Variants in CCDC187 observed in about 807,000 individuals in gnomAD.
The protein encoded by CCDC187 is coiled-coil domain-containing protein 187.
Under a neutral mutation model 38.0 loss-of-function variants are expected in CCDC187, and 32 were observed. That is an observed-to-expected ratio of 0.84 (90% CI 0.64 to 1.13). The LOEUF is 1.13. Ranked by LOEUF, CCDC187 falls within the 50% of genes most tolerant of loss-of-function variation. The probability of loss-of-function intolerance (pLI) is 0.00; values close to 1 mark genes in which losing one functional copy is unlikely to be tolerated. For missense variants in CCDC187, 707 were observed against 786.8 expected (o/e 0.90, Z 1.21); for synonymous variants, 333 against 347.9 (o/e 0.96, Z 0.48).
At chr9:136,255,757 C>G in intron 24 of CCDC187, 24 bp from the exon 25 acceptor site, 3 of 981,338 alleles carry the variant, frequency 3.1e-6, no homozygotes, top group Non-Finnish European at 3.6e-6. Context: ...CGTGGAGAAC[C>G]CTGTGGGGAT....
At chr9:136,302,214 T>G (rs1009794363) in intron 2 of CCDC187, among the ~76,000 whole-genome samples, 2 of 152,016 alleles carry the variant, frequency 1.3e-5, no homozygotes, top group African/African-American at 4.8e-5. Context: ...AATGTAAAAT[T>G]AAAGGAGGAA....
intron 19 of CCDC187, among the ~76,000 whole-genome samples, chr9:136,262,103 C>T (rs1395943411): frequency 6.6e-6 from 1 of 152,258 alleles, no homozygotes; most frequent in Non-Finnish European, 1.5e-5. Flanking sequence ...AGCCAACGGC[C>T]ATACGGCCAA....
chr9:136,265,652 G>T (rs1338823788), intron 17 of CCDC187: 1 of 152,302 alleles, frequency 6.6e-6, no homozygotes, highest in Non-Finnish European at 1.5e-5. Flanking sequence ...GTGACATCCA[G>T]CAAAAGGCTG....
At chr9:136,300,982 C>T (rs1273223661) in intron 2 of CCDC187, among the ~76,000 whole-genome samples, 2 of 152,240 alleles carry the variant, frequency 1.3e-5, no homozygotes, top group Admixed American at 6.5e-5. Flanking sequence ...GCTGCACCAG[C>T]GCTTGGCACG....
chr9:136,285,379 C>T (rs1478288414), intron 9 of CCDC187, 134 bp downstream of exon 9: 8 of 403,062 alleles, frequency 2.0e-5, no homozygotes, highest in South Asian at 1.0e-4. Context: ...ACCAGCATGA[C>T]GGGGACACAT....
intron 10 of CCDC187, among the ~76,000 whole-genome samples, chr9:136,279,491 T>C (rs1830998323): frequency 6.6e-6 from 1 of 152,224 alleles, no homozygotes; most frequent in Admixed American, 6.5e-5. Context: ...GGCTGCCCCT[T>C]CCAAGGAGGA....
In CCDC187 at chr9:136,255,146, G is replaced by T. The variant is rs1260448031; in HGVS notation, c.4694-12C>A. 9.1e-6 allele frequency: 9 copies of T among 984,462 alleles called. No homozygotes were observed. Among genetic ancestry groups the T allele is most frequent in the Non-Finnish European group, 1.1e-5 (9 of 829,204 alleles). 61.0% of individuals were successfully genotyped at this position (984,462 alleles called of 1,614,324 possible). A position where few individuals can be genotyped will look rare whatever the true frequency, so the allele number is the denominator to read the frequency against. On this transcript the variant is annotated splice_polypyrimidine_tract_variant and intron_variant, in intron 25 of 25. Transcript: ENST00000638797. ...GACCACAGGAGCTGCTAAGAGAGGGGGCAATCAACAGTGGTCACCCTCTGC... is the reference window on the plus strand; with the variant it reads ...GACCACAGGAGCTGCTAAGAGAGGGTGCAATCAACAGTGGTCACCCTCTGC...
intron 16 of CCDC187, 58 bp from the exon 17 acceptor site, chr9:136,266,101 A>G: frequency 1.1e-6 from 1 of 940,526 alleles, no homozygotes; most frequent in Non-Finnish European, 1.3e-6. Context: ...GTGGATATAG[A>G]AAGTCACAGA....
At chr9:136,261,470 A>C (rs1830677963) in intron 19 of CCDC187, among the ~76,000 whole-genome samples, 1 of 147,748 alleles carries the variant, frequency 6.8e-6, no homozygotes, top group Non-Finnish European at 1.5e-5. Flanking sequence ...GTCTGCAACC[A>C]TACATGTACC....
At chr9:136,267,268 C>G (rs1319648028) in intron 16 of CCDC187, 116 bp downstream of exon 16, 1 of 674,012 alleles carries the variant, frequency 1.5e-6, no homozygotes, top group Admixed American at 9.7e-5. Context: ...AAAACGCTGT[C>G]GGGGCCACGG....
Position 136,253,696 on chromosome 9 carries a change from C to T in CCDC187, c.6132G>A (p.Glu2044=), listed in dbSNP as rs1830576923. The T allele has an allele frequency of 4.1e-6, 4 of 985,450 alleles. No homozygotes were observed. The highest frequency in any genetic ancestry group is 1.2e-4 in the Admixed American group (2 of 16,272). 61.0% of individuals were successfully genotyped at this position (985,450 alleles called of 1,614,324 possible). A position where few individuals can be genotyped will look rare whatever the true frequency, so the allele number is the denominator to read the frequency against. ...CCTGGGTGGTGATGGCGGTGTCCTC[C>T]TCAAGGGGCCCCGAGGGCGGGGAAG... ...AFPSPPSGPL[E]EDTAITTQDL... Residue 2044 remains glutamate (E), a synonymous_variant, in exon 26 of 26, where the codon GAG becomes GAA. Coordinates refer to ENST00000638797, the MANE Select transcript of CCDC187 (RefSeq NM_001378188.1).
At position 136,258,039 on chromosome 9, in the gene CCDC187, G is replaced by T. The variant is rs1434927179; in HGVS notation, c.4366+893C>A. 6.6e-6 allele frequency among the ~76,000 whole-genome samples: 1 copy of T among 152,178 alleles called. No homozygotes were observed. Among genetic ancestry groups the T allele is most frequent in the African/African-American group, 2.4e-5 (1 of 41,448 alleles). On this transcript the variant is annotated intron_variant, in intron 22 of 25. Coordinates refer to ENST00000638797, the MANE Select transcript of CCDC187 (RefSeq NM_001378188.1). The surrounding 1 kb of genome is among the most constrained non-coding windows in gnomAD (Gnocchi z 4.3). ...GCTGGCCCCCCGAACGGTGACAGCT[G>T]GTACACGTGGCCATGCGGCGAGGGA...
At chr9:136,262,489 G>A in intron 18 of CCDC187, 27 bp from the exon 19 acceptor site, 1 of 986,128 alleles carries the variant, frequency 1.0e-6, no homozygotes. Context: ...AGGAGAGCCT[G>A]GCAAGGCCAC....
Position 136,254,903 on chromosome 9 carries a change from A to G in CCDC187, c.4925T>C (p.Leu1642Pro), listed in dbSNP as rs2131103096. Reference sequence around the variant, plus strand: ...GGGAAGAGAGCTGGAGCTCCCAGAAAGCTGGATCAGGGTAGCCGCTGCTTT... The same window carrying G: ...GGGAAGAGAGCTGGAGCTCCCAGAAGGCTGGATCAGGGTAGCCGCTGCTTT... ...FQKAAATLIQ[L>P]SGSSSSLPSL... The change falls in exon 26 of 26, where the codon CTT becomes CCT. Residue 1642 changes from leucine to proline, a missense_variant. Physicochemically the swap from Leu to Pro is moderately conservative, Grantham distance 98 (BLOSUM62 -3). Coordinates refer to ENST00000638797, the MANE Select transcript of CCDC187 (RefSeq NM_001378188.1). The G allele has an allele frequency of 1.0e-6, 1 of 985,502 alleles. No individual in the cohort carries two copies. Among genetic ancestry groups the G allele is most frequent in the African/African-American group, 1.7e-5 (1 of 57,366 alleles). The allele number at this position is 985,502 out of a possible 1,614,324, so 61.0% of individuals were successfully genotyped here.
rs573321767 is a variant in CCDC187, at chr9:136,253,946, G to A, written c.5882C>T (p.Pro1961Leu). Residue 1961 changes from proline to leucine, a missense_variant, in exon 26 of 26, where the codon CCT (proline) becomes CTT (leucine). Transcript: ENST00000638797. ...GGGGGCCCCATTCCCACCAGGCCCA[G>A]GCGCCCGGCTCTCAGCTACTGGAGG... ...LAPPVAESRA[P>L]GPGGNGAPTV... is the part of the protein sequence containing the mutation. 13 of 985,578 alleles carry A rather than the reference G, an allele frequency of 1.3e-5. No individual in the cohort carries two copies. In the Admixed American group the frequency reaches 2.5e-4, roughly 19 times the overall value. The allele number at this position is 985,578 out of a possible 1,614,324, so 61.1% of individuals were successfully genotyped here.
Position 136,291,474 on chromosome 9 carries a change from T to A in CCDC187, c.1139A>T (p.Gln380Leu), listed in dbSNP as rs987985804. Reference sequence around the variant, plus strand: ...CAGCTCCAGCCCAGCCTGGATTTGCTGGCGCAGGTCTTGTAGGATGGCCAT... The same window carrying A: ...CAGCTCCAGCCCAGCCTGGATTTGCAGGCGCAGGTCTTGTAGGATGGCCAT... Reference protein sequence around the residue: ...TAMAILQDLRQQIQAGLELAQ... With the variant: ...TAMAILQDLRLQIQAGLELAQ... Residue 380 changes from glutamine to leucine, a missense_variant, in exon 6 of 26, where the codon CAG becomes CTG. Transcript: ENST00000638797. The A allele has an allele frequency of 1.7e-4, 66 of 398,578 alleles. No homozygotes were observed. The highest frequency in any genetic ancestry group is 1.7e-4 in the Non-Finnish European group (39 of 226,124). 24.7% of individuals were successfully genotyped at this position (398,578 alleles called of 1,614,324 possible). A position where few individuals can be genotyped will look rare whatever the true frequency, so the allele number is the denominator to read the frequency against.
intron 10 of CCDC187, 49 bp downstream of exon 10, chr9:136,281,502 C>T (rs1004495707): frequency 7.6e-6 from 3 of 397,080 alleles, no homozygotes; most frequent in Non-Finnish European, 1.3e-5. Context: ...GTGGATGCCC[C>T]GGCCACCCGA....
upstream of CCDC187, among the ~76,000 whole-genome samples, chr9:136,305,061 C>A (rs1311174363): frequency 5.3e-5 from 8 of 152,230 alleles, no homozygotes; most frequent in African/African-American, 1.9e-4. Context: ...TGGCTGCCGG[C>A]AGGCACAGCC....
At chr9:136,268,256 C>T in intron 14 of CCDC187, 131 bp from the exon 15 acceptor site, 1 of 369,372 alleles carries the variant, frequency 2.7e-6, no homozygotes, top group Non-Finnish European at 3.7e-6. Flanking sequence ...CCATCCCGGA[C>T]ACACAGGGCT....
Sources: allele counts gnomAD v4.1 joint callset (sites outside exome capture counted in the v4.1 genomes callset), GRCh38; gene constraint gnomAD v4.1.1; non-coding constraint Gnocchi (gnomAD v3.1); transcripts MANE v1.5; gene names NCBI Gene and HGNC (gene_info 2026-07-23, HGNC 2026-07-21).